The following HLA-DQB2 variants were observed in gnomAD, a reference collection of about 807,000 sequenced individuals.
The protein encoded by HLA-DQB2 is HLA class II histocompatibility antigen, DQ beta 2 chain.
HLA-DQB2 carries 24 observed loss-of-function variants against 29.2 expected under a neutral mutation model. That is an observed-to-expected ratio of 0.82 (90% CI 0.60 to 1.16). The LOEUF is 1.16. HLA-DQB2 is among the 50% of genes most tolerant of loss of function. The pLI, the probability that HLA-DQB2 is intolerant of heterozygous loss-of-function variation, is 0.00. For missense variants in HLA-DQB2, 273 were observed against 343.6 expected, an observed-to-expected ratio of 0.79 and a Z score of 1.62; for synonymous variants, 104 against 133.1, an observed-to-expected ratio of 0.78 and a Z score of 1.51.
chr6:32,756,963 A>G (rs1764311438), intron 5 of HLA-DQB2: 2 of 1,239,534 alleles, frequency 1.6e-6, no homozygotes, highest in Middle Eastern at 2.9e-4. Flanking sequence ...CTTAACCCTC[A>G]TAGCAGCAAA....
intron 3 of HLA-DQB2, among the ~76,000 whole-genome samples, chr6:32,758,582 T>C (rs1582387122): frequency 6.6e-6 from 1 of 152,360 alleles, no homozygotes; most frequent in African/African-American, 2.4e-5. Flanking sequence ...CTCTTTTCTT[T>C]ATAAATTACT....
rs561187675 is a variant in HLA-DQB2, at chr6:32,763,057, G to A, written c.97+317C>T. ...AATCCTACTGTGTCTTTGGGGAAAT[G>A]CATATCTTTGGGGAAATGCATAACC... is the stretch of plus-strand genomic sequence containing the variant. On this transcript the variant is annotated intron_variant, in intron 1 of 5. Coordinates refer to ENST00000437316, the MANE Select transcript of HLA-DQB2 (RefSeq NM_001300790.2). Among the ~76,000 whole-genome samples the A allele has an allele frequency of 2.6e-5, 4 of 151,642 alleles. No homozygotes were observed. In the East Asian group the frequency reaches 7.8e-4, roughly 30 times the overall value.
rs780434886 is a variant in HLA-DQB2 at position 32,761,863 on chromosome 6, C to G, written c.161G>C (p.Gly54Ala). 1 of 1,578,464 alleles carries G rather than the reference C, an allele frequency of 6.3e-7. No individual in the cohort carries two copies. Among genetic ancestry groups the G allele is most frequent in the Non-Finnish European group, 8.6e-7 (1 of 1,159,954 alleles). The change falls in exon 2 of 6, where the codon GGT becomes GCT. Residue 54 changes from glycine to alanine, a missense_variant. Gly to Ala is a moderately conservative substitution (Grantham distance 60). Coordinates refer to ENST00000437316, the MANE Select transcript of HLA-DQB2 (RefSeq NM_001300790.2). ...YFTNGTERVR[G>A]VARYIYNREE... ...GCGGTTATAGATGTATCTGGCCACA[C>G]CGCGCACGCGCTCTGTCCCGTTGGT...
intron 3 of HLA-DQB2, 49 bp downstream of exon 3, chr6:32,758,801 C>A: frequency 6.6e-7 from 1 of 1,505,680 alleles, no homozygotes; most frequent in Admixed American, 1.8e-5. Context: ...GGGAGCTCTG[C>A]CCTTTGTCTT....
rs894422869 is a variant in HLA-DQB2 at position 32,757,322 on chromosome 6, A to G, written c.758-18T>C. ...TCGAGGTCCTACAAAAGGAAGTTAT[A>G]CAGAGAAAGGTCTTGTTAAACAAAC... On this transcript the variant is annotated intron_variant, in intron 4 of 5. Coordinates refer to ENST00000437316, the MANE Select transcript of HLA-DQB2 (RefSeq NM_001300790.2). 1.3e-6 allele frequency: 2 copies of G among 1,525,262 alleles called. No individual in the cohort carries two copies. Among genetic ancestry groups the G allele is most frequent in the Non-Finnish European group, 1.8e-6 (2 of 1,124,210 alleles). 94.5% of individuals were successfully genotyped at this position (1,525,262 alleles called of 1,614,324 possible). A position where few individuals can be genotyped will look rare whatever the true frequency, so the allele number is the denominator to read the frequency against.
chr6:32,758,165 T>G (rs1003928038), intron 3 of HLA-DQB2, among the ~76,000 whole-genome samples: 1 of 152,168 alleles, frequency 6.6e-6, no homozygotes, highest in Non-Finnish European at 1.5e-5. Flanking sequence ...GCTTTAGTAG[T>G]GTTGATATGG....
chr6:32,761,159 T>A (rs914177044), intron 2 of HLA-DQB2, among the ~76,000 whole-genome samples: 2 of 152,264 alleles, frequency 1.3e-5, no homozygotes, highest in South Asian at 4.1e-4. Flanking sequence ...ACAACTGTAA[T>A]TGCTGGATGC....
chr6:32,760,842 A>C (rs1287882502), intron 2 of HLA-DQB2, among the ~76,000 whole-genome samples: 1 of 152,114 alleles, frequency 6.6e-6, no homozygotes, highest in Non-Finnish European at 1.5e-5. Flanking sequence ...ACTAAGATCC[A>C]AGTCAATAAG....
At chr6:32,756,715 T>C in intron 5 of HLA-DQB2, 6 of 1,319,606 alleles carry the variant, frequency 4.5e-6, no homozygotes, top group Non-Finnish European at 5.8e-6. Flanking sequence ...GAGTTTGATT[T>C]TTTTAGTAAA....
In HLA-DQB2 at chr6:32,757,862, T is replaced by C. The variant is rs1374839974; in HGVS notation, c.668A>G (p.Gln223Arg). Residue 223 changes from glutamine (Q) to arginine (R), a missense_variant, in exon 4 of 6, where the codon CAG (glutamine) becomes CGG (arginine). Gln to Arg is a conservative substitution (Grantham distance 43, BLOSUM62 1). Transcript: ENST00000437316. ...VEWRAQSESA[Q>R]SKMLSGIGGF... ...TCCAATGCCACTCAGCATCTTGCTCTGGGCAGATTCAGACTGAGCCCCTAA... is the reference window on the plus strand; with the variant it reads ...TCCAATGCCACTCAGCATCTTGCTCCGGGCAGATTCAGACTGAGCCCCTAA... The C allele has an allele frequency of 1.2e-6, 2 of 1,613,102 alleles. No individual in the cohort carries two copies. The highest frequency in any genetic ancestry group is 2.2e-5 in the South Asian group (2 of 90,924).
In HLA-DQB2 at chr6:32,763,351, G is replaced by T. The variant is rs538970781; in HGVS notation, c.97+23C>A. The T allele has an allele frequency of 6.2e-6, 9 of 1,456,218 alleles. No homozygotes were observed. In the East Asian group the frequency reaches 1.7e-4, roughly 28 times the overall value. The allele number at this position is 1,456,218 out of a possible 1,614,324, so 90.2% of individuals were successfully genotyped here. A position where few individuals can be genotyped will look rare whatever the true frequency, so the allele number is the denominator to read the frequency against. ...GCCTGTTCCCACAGTGGTGGCTCTC[G>T]AGAGCAGCTGCCCTGCACTTACTGG... On this transcript the variant is annotated intron_variant, in intron 1 of 5. Coordinates refer to ENST00000437316, the MANE Select transcript of HLA-DQB2 (RefSeq NM_001300790.2).
chr6:32,760,771 T>C (rs1764713165), intron 2 of HLA-DQB2, among the ~76,000 whole-genome samples: 1 of 152,056 alleles, frequency 6.6e-6, no homozygotes, highest in Non-Finnish European at 1.5e-5. Context: ...TATAACACCA[T>C]TCAAGCGTTG....
intron 5 of HLA-DQB2, 61 bp downstream of exon 5, chr6:32,757,220 A>G (rs1340503523): frequency 5.2e-6 from 8 of 1,549,596 alleles, no homozygotes; most frequent in South Asian, 4.8e-5. Context: ...CGGTTTCACC[A>G]TGGCTCTTCC....
chr6:32,762,378 G>A (rs1180515002), intron 1 of HLA-DQB2, among the ~76,000 whole-genome samples: 1 of 152,188 alleles, frequency 6.6e-6, no homozygotes, highest in Non-Finnish European at 1.5e-5. Flanking sequence ...AATTAAGCTT[G>A]TTCTCATCCT....
chr6:32,757,025 CT>C (rs9282285), intron 5 of HLA-DQB2: 6,968 of 1,229,246 alleles, frequency 5.7e-3, no homozygotes, highest in East Asian at 9.9e-3. Flanking sequence ...TCATGCTCTT[CT>C]TTTTTTTTTT....
At chr6:32,761,512 A>G in intron 2 of HLA-DQB2, 148 bp downstream of exon 2, 1 of 867,020 alleles carries the variant, frequency 1.2e-6, no homozygotes, top group Non-Finnish European at 1.7e-6. Context: ...CTCCGATACT[A>G]CCCCAGCCTC....
chr6:32,761,924 C>T lies in HLA-DQB2; in HGVS notation c.100G>A (p.Asp34Asn). ...ATGCCCTTAAACTGGACCAAGAAAT[C>T]CTCTGCGGAGAATCACGGCGGGTCA... Reference protein sequence around the residue: ...PVAEARDFPKDFLVQFKGMCY... With the variant: ...PVAEARDFPKNFLVQFKGMCY... The change falls in exon 2 of 6, where the codon GAT becomes AAT. Residue 34 changes from aspartate to asparagine, a missense_variant and splice_region_variant. Physicochemically the swap from Asp to Asn is conservative, Grantham distance 23. Transcript: ENST00000437316. The T allele has an allele frequency of 1.2e-6, 2 of 1,609,126 alleles. No homozygotes were observed. Among genetic ancestry groups the T allele is most frequent in the Non-Finnish European group, 1.7e-6 (2 of 1,178,098 alleles).
At chr6:32,757,924 C>A (rs1295189449) in intron 3 of HLA-DQB2, 41 bp from the exon 4 acceptor site, 1 of 1,564,132 alleles carries the variant, frequency 6.4e-7, no homozygotes, top group Non-Finnish European at 8.7e-7. Flanking sequence ...TCCCCACACC[C>A]CATAATGTCC....
At chr6:32,759,311 C>A (rs998353080) in intron 2 of HLA-DQB2, among the ~76,000 whole-genome samples, 180 bp from the exon 3 acceptor site, 4 of 152,150 alleles carry the variant, frequency 2.6e-5, no homozygotes, top group African/African-American at 9.6e-5. Flanking sequence ...CAAAAATAAA[C>A]AACAAACCCT....
Sources: gnomAD v4.1 joint callset for allele counts (sites outside exome capture counted in the v4.1 genomes callset) on GRCh38, gnomAD v4.1.1 for gene constraint, MANE v1.5 for transcripts, NCBI Gene and HGNC (gene_info 2026-07-23, HGNC 2026-07-21) for gene names.